The following ACACA variants were observed in gnomAD, a reference collection of about 807,000 sequenced individuals.
ACACA encodes the protein acetyl-CoA carboxylase alpha, also known as acetyl-CoA carboxylase 1.
A neutral mutation model predicts 296.1 loss-of-function variants in ACACA; 103 were observed. The observed-to-expected ratio is 0.35, with a 90% confidence interval of 0.30 to 0.41. ACACA has a LOEUF of 0.41. Ranked by LOEUF, ACACA falls within the 10% of genes least tolerant of loss-of-function variation. The probability of loss-of-function intolerance (pLI) is 1.00; values close to 1 mark genes in which losing one functional copy is unlikely to be tolerated. For missense variants in ACACA, 1,554 were observed against 2,989.7 expected (o/e 0.52, Z 11.20); for synonymous variants, 953 against 1,038.6 (o/e 0.92, Z 1.58).
intron 42 of ACACA, among the ~76,000 whole-genome samples, chr17:37,157,093 T>C (rs759013563): frequency 1.1e-4 from 17 of 152,162 alleles, no homozygotes; most frequent in Non-Finnish European, 2.1e-4. Context: ...ATGTATAATG[T>C]AAATGGGAAT....
chr17:37,290,112 A>G (rs1326874818), intron 3 of ACACA, among the ~76,000 whole-genome samples: 1 of 152,082 alleles, frequency 6.6e-6, no homozygotes, highest in Non-Finnish European at 1.5e-5. Context: ...CAGTGGTCCA[A>G]TCTCGGCTTA....
intron 3 of ACACA, among the ~76,000 whole-genome samples, chr17:37,307,088 C>A (rs1460785448): frequency 3.3e-5 from 5 of 152,186 alleles, no homozygotes; most frequent in African/African-American, 1.2e-4. Context: ...GTAGTTTGTT[C>A]ATTTTCATTT....
chr17:37,298,513 C>T (rs28559981), intron 3 of ACACA, among the ~76,000 whole-genome samples: 3,850 of 152,068 alleles, frequency 0.025, 104 homozygotes, highest in African/African-American at 0.055. Context: ...GAGACCCCAT[C>T]TCTACAAAAA....
At chr17:37,325,801 T>C (rs1020566611) in intron 3 of ACACA, among the ~76,000 whole-genome samples, 17 of 151,926 alleles carry the variant, frequency 1.1e-4, no homozygotes, top group African/African-American at 4.1e-4. Flanking sequence ...CTTGAACTGC[T>C]GACTTCAGGT....
chr17:37,377,994 A>T lies in ACACA; in HGVS notation c.38+28268T>A, dbSNP rs549420465. On this transcript the variant is annotated intron_variant, in intron 1 of 55. Coordinates refer to ENST00000616317, the MANE Select transcript of ACACA (RefSeq NM_198834.3). Reference sequence around the variant, plus strand: ...GGGAATGGGTCCTTTCTGGAAAATGATATTGCCATTCCAAAAAATTTTTAC... The same window carrying T: ...GGGAATGGGTCCTTTCTGGAAAATGTTATTGCCATTCCAAAAAATTTTTAC... The T allele has an allele frequency of 3.7e-6, 6 of 1,601,620 alleles. No individual in the cohort carries two copies. In the East Asian group the frequency reaches 1.1e-4, roughly 30 times the overall value.
chr17:37,221,990 T>G, intron 28 of ACACA, 148 bp from the exon 29 acceptor site: 1 of 682,996 alleles, frequency 1.5e-6, no homozygotes, highest in Non-Finnish European at 2.6e-6. Flanking sequence ...CGTACATATA[T>G]TGCTTTAATT....
Position 37,406,708 on chromosome 17 carries a change from C to A in ACACA, c.-409G>T. 7.1e-6 allele frequency: 2 copies of A among 281,368 alleles called. No individual in the cohort carries two copies. The highest frequency in any genetic ancestry group is 4.0e-5 in the South Asian group (1 of 25,136). The allele number at this position is 281,368 out of a possible 1,614,324, so 17.4% of individuals were successfully genotyped here. Reference sequence around the variant, plus strand: ...TCAAAAGTCAGGCAAGCGGCTCAGCCCCATCCTCCCAGTCCTCGGGCACGG... The same window carrying A: ...TCAAAAGTCAGGCAAGCGGCTCAGCACCATCCTCCCAGTCCTCGGGCACGG... On this transcript the variant is annotated 5_prime_UTR_variant, in exon 1 of 56. Coordinates refer to ENST00000616317, the MANE Select transcript of ACACA (RefSeq NM_198834.3).
intron 3 of ACACA, among the ~76,000 whole-genome samples, chr17:37,318,956 A>C (rs1567988382): frequency 6.6e-6 from 1 of 152,244 alleles, no homozygotes; most frequent in Non-Finnish European, 1.5e-5. Context: ...AAAATTCATT[A>C]AAATATCATC....
intron 1 of ACACA, among the ~76,000 whole-genome samples, chr17:37,378,200 C>A (rs573858312): frequency 6.6e-5 from 10 of 152,180 alleles, no homozygotes; most frequent in African/African-American, 1.9e-4. Flanking sequence ...GCAGAACCTA[C>A]CCCTCTCTGC....
chr17:37,342,436 A>AAAAAAAT (rs1555652530), intron 1 of ACACA, among the ~76,000 whole-genome samples: 6 of 58,212 alleles, frequency 1.0e-4, no homozygotes, highest in East Asian at 8.3e-4. Flanking sequence ...AAAAAAAAAA[A>AAAAAAAT]ATATATATAT....
rs998053658 is a variant in ACACA at position 37,111,395 on chromosome 17, C to CAT, written c.6565+134_6565+135dup. 4.9e-5 allele frequency: 37 copies of CAT among 753,260 alleles called. No homozygotes were observed. In the African/African-American group the frequency reaches 5.9e-4, roughly 12 times the overall value. The allele number at this position is 753,260 out of a possible 1,614,324, so 46.7% of individuals were successfully genotyped here. ...TATTTCATTCTACCAGGGTTCTTAC[C>CAT]ATATAGAGGACAGTAAATAAAGATT... On this transcript the variant is annotated intron_variant, in intron 52 of 55. Transcript: ENST00000616317.
At chr17:37,237,048 T>G (rs868464854) in intron 24 of ACACA, among the ~76,000 whole-genome samples, 2 of 152,220 alleles carry the variant, frequency 1.3e-5, no homozygotes, top group Admixed American at 6.5e-5. Context: ...TTAATTATTC[T>G]TTTGTTTTTC....
At chr17:37,171,780 T>A (rs2076892463) in intron 41 of ACACA, among the ~76,000 whole-genome samples, 1 of 152,216 alleles carries the variant, frequency 6.6e-6, no homozygotes, top group African/African-American at 2.4e-5. Context: ...TTTCTCCCTG[T>A]AACATTTATA....
chr17:37,305,259 T>A (rs1408109471), intron 3 of ACACA, among the ~76,000 whole-genome samples: 2 of 152,254 alleles, frequency 1.3e-5, no homozygotes, highest in Non-Finnish European at 2.9e-5. Context: ...AAATTGTTGT[T>A]ACTAGTTTGT....
chr17:37,201,657 T>C (rs1411745504), intron 33 of ACACA, among the ~76,000 whole-genome samples: 2 of 152,144 alleles, frequency 1.3e-5, no homozygotes, highest in African/African-American at 2.4e-5. Flanking sequence ...ACCAGTTGAA[T>C]GACCTGAGAA....
intron 1 of ACACA, among the ~76,000 whole-genome samples, chr17:37,344,119 T>A (rs904166989): frequency 4.6e-5 from 7 of 151,554 alleles, no homozygotes; most frequent in Non-Finnish European, 8.8e-5. Context: ...AATTTAAAAA[T>A]TTTTTTAAAA....
At chr17:37,184,506 T>C (rs2077451262) in intron 39 of ACACA, among the ~76,000 whole-genome samples, 1 of 152,190 alleles carries the variant, frequency 6.6e-6, no homozygotes, top group African/African-American at 2.4e-5. Flanking sequence ...TGCCAAAACA[T>C]ATCTGTGAAT....
chr17:37,205,614 T>G (rs2078463290), intron 33 of ACACA, 151 bp downstream of exon 33: 1 of 684,656 alleles, frequency 1.5e-6, no homozygotes, highest in South Asian at 1.6e-5. Context: ...TAAGTCACTT[T>G]GGGATTTTAT....
intron 4 of ACACA, 60 bp from the exon 5 acceptor site, chr17:37,283,465 A>G (rs2082636919): frequency 1.9e-6 from 3 of 1,579,490 alleles, no homozygotes; most frequent in Non-Finnish European, 2.6e-6. Context: ...ACAATGGAGG[A>G]AAAGAGATGA....
Sources: gnomAD v4.1 joint callset for allele counts (sites outside exome capture counted in the v4.1 genomes callset) on GRCh38, gnomAD v4.1.1 for gene constraint, MANE v1.5 for transcripts, NCBI Gene and HGNC (gene_info 2026-07-23, HGNC 2026-07-21) for gene names.